GORASP1: variants seen among roughly 807,000 people sequenced by gnomAD.
The protein encoded by GORASP1 is Golgi reassembly-stacking protein 1.
In GORASP1, 31 loss-of-function variants were observed where a neutral mutation model predicts 37.7. The ratio of observed to expected loss-of-function variants is 0.82; its 90% CI spans 0.62 to 1.11. GORASP1 has a LOEUF of 1.11. Ranked by LOEUF, GORASP1 falls within the 50% of genes least tolerant of loss-of-function variation. GORASP1 has a pLI of 0.00. For synonymous variants in GORASP1, 204 were observed against 224.8 expected, an observed-to-expected ratio of 0.91 and a Z score of 0.83; for missense variants, 476 against 560.7, an observed-to-expected ratio of 0.85 and a Z score of 1.53.
In GORASP1 at chr3:39,102,944, G is replaced by A; in HGVS notation, c.145-63C>T. ...TGCCCAGGCTAGGACCCTCAGACAA[G>A]TCTGGGCCTGAGATGGGGCAAGGGC... On this transcript the variant is annotated intron_variant, in intron 2 of 8. Transcript: ENST00000319283. This position sits in a 1 kb window ranked among gnomAD's most constrained non-coding sequence, Gnocchi z 5.0. The A allele has an allele frequency of 2.0e-6, 3 of 1,507,336 alleles. No homozygotes were observed. The highest frequency in any genetic ancestry group is 2.8e-6 in the Non-Finnish European group (3 of 1,082,916). 93.4% of individuals were successfully genotyped at this position (1,507,336 alleles called of 1,614,324 possible).
Position 39,100,943 on chromosome 3 carries a change from TCTC to T in GORASP1, c.436-69_436-67del. 6.2e-7 allele frequency: 1 copy of T among 1,613,658 alleles called. No individual in the cohort carries two copies. The highest frequency in any genetic ancestry group is 8.5e-7 in the Non-Finnish European group (1 of 1,179,622). On this transcript the variant is annotated intron_variant, in intron 4 of 8. Coordinates refer to ENST00000319283, the MANE Select transcript of GORASP1 (RefSeq NM_031899.4). The surrounding 1 kb of genome is among the most constrained non-coding windows in gnomAD (Gnocchi z 4.6). ...TAAAGCCTCAACAAAACCAGACACT[TCTC>T]ATGGACAGCACCCTTCTCTTCACAC...
intron 1 of GORASP1, chr3:39,107,017 G>C: frequency 4.4e-6 from 2 of 455,014 alleles, no homozygotes; most frequent in South Asian, 3.1e-5. Context: ...GCGCCGACGG[G>C]CTCCCCCGCA....
Position 39,100,406 on chromosome 3 carries a change from G to A in GORASP1, c.664C>T (p.Leu222=). The change falls in exon 6 of 9, where the codon CTA becomes TTA. Residue 222 remains leucine, a synonymous_variant. Transcript: ENST00000319283. This position sits in a 1 kb window ranked among gnomAD's most constrained non-coding sequence, Gnocchi z 4.6. ...TCAGGTGGTGGGGCACCAAGTGGTAGAGCAGAAGGTGGTGGGGTGCCAGGT... is the reference window on the plus strand; with the variant it reads ...TCAGGTGGTGGGGCACCAAGTGGTAAAGCAGAAGGTGGTGGGGTGCCAGGT... The part of the protein sequence containing the change: ...KPPGTPPPSA[L]PLGAPPPDAL... 11 of 1,613,932 alleles carry A rather than the reference G, an allele frequency of 6.8e-6. No individual in the cohort carries two copies. The highest frequency in any genetic ancestry group is 9.3e-6 in the Non-Finnish European group (11 of 1,179,880).
rs751449354 is a variant in GORASP1, at chr3:39,098,883, G to A, written c.927C>T (p.Asp309=). Residue 309 remains aspartate (D), a synonymous_variant, in exon 8 of 9, where the codon GAC becomes GAT. Transcript: ENST00000319283. This position sits in a 1 kb window ranked among gnomAD's most constrained non-coding sequence, Gnocchi z 4.7. Reference sequence around the variant, plus strand: ...TGTCCAAGAGAGAAATTCCCGACACGTCCAGGAAGCCTAGGGGAGGGTGGT... The same window carrying A: ...TGTCCAAGAGAGAAATTCCCGACACATCCAGGAAGCCTAGGGGAGGGTGGT... ...VQRVMDPGFL[D]VSGISLLDNS... 13 of 1,613,882 alleles carry A rather than the reference G, an allele frequency of 8.1e-6. No homozygotes were observed. Among genetic ancestry groups the A allele is most frequent in the South Asian group, 2.2e-5 (2 of 91,028 alleles).
chr3:39,099,938 G>A (rs1477229154), intron 6 of GORASP1, among the ~76,000 whole-genome samples: 1 of 152,186 alleles, frequency 6.6e-6, no homozygotes, highest in Non-Finnish European at 1.5e-5. Context: ...GTGAAGGCAG[G>A]GCCAGCACTT....
At position 39,098,828 on chromosome 3, in the gene GORASP1, G is replaced by A. The variant is rs771266873; in HGVS notation, c.982C>T (p.Pro328Ser). ...NSNASVWPSL[P>S]SSTELTTTAV... ...GTGGTGGTCAGTTCTGTGGAAGAGG[G>A]CAGGCTGGGCCACACACTGGCATTG... Residue 328 changes from proline (P) to serine (S), a missense_variant, in exon 8 of 9, where the codon CCC (proline) becomes TCC (serine). Transcript: ENST00000319283. The surrounding 1 kb of genome is among the most constrained non-coding windows in gnomAD (Gnocchi z 4.7). The A allele has an allele frequency of 2.5e-6, 4 of 1,614,128 alleles. No homozygotes were observed. The highest frequency in any genetic ancestry group is 3.4e-6 in the Non-Finnish European group (4 of 1,179,982).
In GORASP1 at chr3:39,098,904, G is replaced by T. The variant is rs779241059; in HGVS notation, c.917-11C>A. 1.9e-6 allele frequency: 3 copies of T among 1,613,428 alleles called. No homozygotes were observed. Among genetic ancestry groups the T allele is most frequent in the Admixed American group, 3.3e-5 (2 of 59,994 alleles). ...ACACGTCCAGGAAGCCTAGGGGAGG[G>T]TGGTGCAGTTCTTTGCCAGCAAGAA... On this transcript the variant is annotated splice_polypyrimidine_tract_variant and intron_variant, in intron 7 of 8. Coordinates refer to ENST00000319283, the MANE Select transcript of GORASP1 (RefSeq NM_031899.4). This position sits in a 1 kb window ranked among gnomAD's most constrained non-coding sequence, Gnocchi z 4.7.
chr3:39,098,516 A>T lies in GORASP1; in HGVS notation c.1070-27T>A, dbSNP rs369151076. 1.5e-5 allele frequency: 24 copies of T among 1,595,984 alleles called. No individual in the cohort carries two copies. In the African/African-American group the frequency reaches 3.0e-4, roughly 20 times the overall value. On this transcript the variant is annotated intron_variant, in intron 8 of 8. Coordinates refer to ENST00000319283, the MANE Select transcript of GORASP1 (RefSeq NM_031899.4). The surrounding 1 kb of genome is among the most constrained non-coding windows in gnomAD (Gnocchi z 4.7). ...TGCAACACAGAAGATCAGGCTGAGG[A>T]GGTCTGCAAGAACCTAGGGCCATGG...
Position 39,105,953 on chromosome 3 carries a change from T to C in GORASP1, c.63+1526A>G, listed in dbSNP as rs564312829. Among the ~76,000 whole-genome samples, 1 of 152,314 alleles carries C rather than the reference T, an allele frequency of 6.6e-6. No individual in the cohort carries two copies. Among genetic ancestry groups the C allele is most frequent in the Admixed American group, 6.5e-5 (1 of 15,306 alleles). On this transcript the variant is annotated intron_variant, in intron 1 of 8. Transcript: ENST00000319283. This position sits in a 1 kb window ranked among gnomAD's most constrained non-coding sequence, Gnocchi z 5.4. ...ACTACTATTCCCCTAAATATCTGTA[T>C]TGTCCACTCTTTACTTCCTTCAGAA...
Position 39,102,598 on chromosome 3 carries a change from TCACACCCCGCC to T in GORASP1, c.348+69_348+79del. 7.0e-7 allele frequency: 1 copy of T among 1,436,510 alleles called. No homozygotes were observed. Among genetic ancestry groups the T allele is most frequent in the Non-Finnish European group, 9.6e-7 (1 of 1,036,498 alleles). The allele number at this position is 1,436,510 out of a possible 1,614,324, so 89.0% of individuals were successfully genotyped here. On this transcript the variant is annotated intron_variant, in intron 3 of 8. Transcript: ENST00000319283. The surrounding 1 kb of genome is among the most constrained non-coding windows in gnomAD (Gnocchi z 5.0). ...CCACTCCACTCCTGCATGTACCCCC[TCACACCCCGCC>T]CACACCCAGACCTGCCCCAGTAAAC...
Position 39,102,651 on chromosome 3 carries a change from C to G in GORASP1, c.348+27G>C, listed in dbSNP as rs1017603692. The G allele has an allele frequency of 2.5e-6, 4 of 1,612,596 alleles. No individual in the cohort carries two copies. The highest frequency in any genetic ancestry group is 3.4e-6 in the Non-Finnish European group (4 of 1,178,754). ...CCAGTAAACTCATCCTTCCGACACA[C>G]CCTGCCCTGCCATACCCCACACTCA... On this transcript the variant is annotated intron_variant, in intron 3 of 8. Coordinates refer to ENST00000319283, the MANE Select transcript of GORASP1 (RefSeq NM_031899.4). The surrounding 1 kb of genome is among the most constrained non-coding windows in gnomAD (Gnocchi z 5.0).
Position 39,107,599 on chromosome 3 carries a change from C to A in GORASP1, c.-58G>T. 1 of 1,445,112 alleles carries A rather than the reference C, an allele frequency of 6.9e-7. No individual in the cohort carries two copies. Among genetic ancestry groups the A allele is most frequent in the Non-Finnish European group, 9.2e-7 (1 of 1,089,724 alleles). 89.5% of individuals were successfully genotyped at this position (1,445,112 alleles called of 1,614,324 possible). A position where few individuals can be genotyped will look rare whatever the true frequency, so the allele number is the denominator to read the frequency against. ...CCCGCTGCGCCTACCCGGACCGACC[C>A]GACGCCAGTAGCACCGACTCGCTCT... On this transcript the variant is annotated 5_prime_UTR_variant, in exon 1 of 9. Coordinates refer to ENST00000319283, the MANE Select transcript of GORASP1 (RefSeq NM_031899.4).
chr3:39,102,921 C>T lies in GORASP1; in HGVS notation c.145-40G>A. The stretch of plus-strand genomic sequence containing the variant: ...GGGCTGACTCCAAGGCCACCTCATG[C>T]CCAGGCTAGGACCCTCAGACAAGTC... On this transcript the variant is annotated intron_variant, in intron 2 of 8. Transcript: ENST00000319283. The surrounding 1 kb of genome is among the most constrained non-coding windows in gnomAD (Gnocchi z 5.0). 6.3e-7 allele frequency: 1 copy of T among 1,585,080 alleles called. No individual in the cohort carries two copies. Among genetic ancestry groups the T allele is most frequent in the South Asian group, 1.1e-5 (1 of 90,504 alleles).
intron 7 of GORASP1, 118 bp from the exon 8 acceptor site, chr3:39,099,011 G>T: frequency 7.5e-7 from 1 of 1,327,364 alleles, no homozygotes; most frequent in Non-Finnish European, 1.1e-6. Context: ...AATCTCCTCA[G>T]CCCCTGGTGA....
rs895382001 is a variant in GORASP1, at chr3:39,097,112, T to C, written c.*1124A>G. On this transcript the variant is annotated 3_prime_UTR_variant, in exon 9 of 9. Coordinates refer to ENST00000319283, the MANE Select transcript of GORASP1 (RefSeq NM_031899.4). ...TGGCCTGTGCCCCCCAGAGCAGACA[T>C]TCCTTGTCCTGCATACCTGACACAG... 1.2e-4 allele frequency: 19 copies of C among 152,262 alleles called. No homozygotes were observed. The highest frequency in any genetic ancestry group is 3.9e-4 in the African/African-American group (16 of 41,468). The allele number at this position is 152,262 out of a possible 1,614,324, so 9.4% of individuals were successfully genotyped here.
Position 39,098,877 on chromosome 3 carries a change from C to T in GORASP1, c.933G>A (p.Ser311=), listed in dbSNP as rs750106841. The stretch of plus-strand genomic sequence containing the variant: ...TGCTGTTGTCCAAGAGAGAAATTCC[C>T]GACACGTCCAGGAAGCCTAGGGGAG... ...RVMDPGFLDV[S]GISLLDNSNA... is the part of the protein sequence containing the mutation. Residue 311 remains serine (S), a synonymous_variant, in exon 8 of 9, where the codon TCG becomes TCA. Transcript: ENST00000319283. This position sits in a 1 kb window ranked among gnomAD's most constrained non-coding sequence, Gnocchi z 4.7. 2.8e-5 allele frequency: 45 copies of T among 1,613,876 alleles called. No homozygotes were observed. The highest frequency in any genetic ancestry group is 5.3e-5 in the African/African-American group (4 of 74,908).
In GORASP1 at chr3:39,103,548, C is replaced by T; in HGVS notation, c.69G>A (p.Gln23=). ...GAEGFHLHGV[Q]ENSPAQQAGL... Reference sequence around the variant, plus strand: ...CCGCCTGCTGGGCTGGGGAGTTCTCCTGCACCTATCCCACAGCAAAGACCA... The same window carrying T: ...CCGCCTGCTGGGCTGGGGAGTTCTCTTGCACCTATCCCACAGCAAAGACCA... Residue 23 remains glutamine, a synonymous_variant, in exon 2 of 9, where the codon CAG becomes CAA. Coordinates refer to ENST00000319283, the MANE Select transcript of GORASP1 (RefSeq NM_031899.4). The surrounding 1 kb of genome is among the most constrained non-coding windows in gnomAD (Gnocchi z 5.2). 1 of 1,612,136 alleles carries T rather than the reference C, an allele frequency of 6.2e-7. No homozygotes were observed. Among genetic ancestry groups the T allele is most frequent in the Non-Finnish European group, 8.5e-7 (1 of 1,179,386 alleles).
In GORASP1 at chr3:39,098,957, G is replaced by A. The variant is rs1297807122; in HGVS notation, c.917-64C>T. ...CCTGACTGCTGGAAAGCAGCACCCT[G>A]GGCTCACCTTGCCTAGGGCATCTGG... On this transcript the variant is annotated intron_variant, in intron 7 of 8. Transcript: ENST00000319283. The surrounding 1 kb of genome is among the most constrained non-coding windows in gnomAD (Gnocchi z 4.7). 6.3e-7 allele frequency: 1 copy of A among 1,592,884 alleles called. No individual in the cohort carries two copies. The highest frequency in any genetic ancestry group is 8.6e-7 in the Non-Finnish European group (1 of 1,167,272).
Position 39,103,672 on chromosome 3 carries a change from A to G in GORASP1, c.64-119T>C. ...GTGCCAGCCAGAACACATGTCTGGC[A>G]TGAACTGTTCCGGACATTCTCAGGG... On this transcript the variant is annotated intron_variant, in intron 1 of 8. Transcript: ENST00000319283. The surrounding 1 kb of genome is among the most constrained non-coding windows in gnomAD (Gnocchi z 5.2). 4 of 690,068 alleles carry G rather than the reference A, an allele frequency of 5.8e-6. No individual in the cohort carries two copies. The highest frequency in any genetic ancestry group is 9.6e-6 in the Non-Finnish European group (4 of 414,948). 42.7% of individuals were successfully genotyped at this position (690,068 alleles called of 1,614,324 possible). A position where few individuals can be genotyped will look rare whatever the true frequency, so the allele number is the denominator to read the frequency against.
Sources: allele counts gnomAD v4.1 joint callset (sites outside exome capture counted in the v4.1 genomes callset), GRCh38; gene constraint gnomAD v4.1.1; non-coding constraint Gnocchi (gnomAD v3.1); transcripts MANE v1.5; gene names NCBI Gene and HGNC (gene_info 2026-07-23, HGNC 2026-07-21).